KIF13B: variants seen among roughly 807,000 people sequenced by gnomAD.
The protein encoded by KIF13B is kinesin family member 13B.
KIF13B carries 127 observed loss-of-function variants against 222.0 expected under a neutral mutation model. The ratio of observed to expected loss-of-function variants is 0.57; its 90% CI spans 0.50 to 0.66. The LOEUF is 0.66. KIF13B is among the 30% of genes least tolerant of loss of function. The pLI is 0.00. For missense variants in KIF13B, 2,173 were observed against 2,379.0 expected (o/e 0.91, Z 1.80); for synonymous variants, 976 against 919.0 (o/e 1.06, Z -1.12).
chr8:29,102,071 A>G (rs960427837), intron 35 of KIF13B, among the ~76,000 whole-genome samples: 4 of 151,950 alleles, frequency 2.6e-5, no homozygotes, highest in African/African-American at 7.3e-5. Flanking sequence ...TCCCTTTACT[A>G]AAATGTTGGG....
intron 36 of KIF13B, among the ~76,000 whole-genome samples, chr8:29,095,347 G>GA (rs1423312567): frequency 5.3e-5 from 8 of 152,094 alleles, no homozygotes; most frequent in Admixed American, 2.6e-4. Context: ...AGTGCTAAAA[G>GA]AAAAAACCTC....
chr8:29,143,403 C>T (rs959939597), intron 18 of KIF13B, among the ~76,000 whole-genome samples: 1 of 152,152 alleles, frequency 6.6e-6, no homozygotes. Context: ...ACTGAAAAGT[C>T]CCCGATTCAC....
chr8:29,107,487 C>T (rs1168744576), intron 35 of KIF13B, among the ~76,000 whole-genome samples: 2 of 151,824 alleles, frequency 1.3e-5, no homozygotes, highest in African/African-American at 4.8e-5. Flanking sequence ...GAGATCGCGT[C>T]ATTGCACTCC....
At chr8:29,105,356 C>T (rs900129639) in intron 35 of KIF13B, among the ~76,000 whole-genome samples, 2 of 152,174 alleles carry the variant, frequency 1.3e-5, no homozygotes, top group Admixed American at 6.5e-5. Flanking sequence ...TCACACAGAT[C>T]CTTCTGCTCA....
Position 29,244,695 on chromosome 8 carries a change from T to G in KIF13B, c.149+651A>C, listed in dbSNP as rs188327763. ...AGCTTATTTACAGTCCTCCATTTAC[T>G]AAGAAAACCCAAAATAATCTTTTCC... is the stretch of plus-strand genomic sequence containing the variant. On this transcript the variant is annotated intron_variant, in intron 2 of 39. Transcript: ENST00000524189. Among the ~76,000 whole-genome samples, 486 of 152,328 alleles carry G rather than the reference T, an allele frequency of 3.2e-3. 1 individual carries two copies. The highest frequency in any genetic ancestry group is 5.3e-3 in the Non-Finnish European group (363 of 68,028).
intron 3 of KIF13B, among the ~76,000 whole-genome samples, chr8:29,195,958 T>C (rs1317769732): frequency 6.6e-6 from 1 of 152,262 alleles, no homozygotes; most frequent in African/African-American, 2.4e-5. Context: ...GTGTTGTAGC[T>C]GCTAGGAGAC....
rs972406938 is a variant in KIF13B, at chr8:29,070,864, A to C, written c.5219-98T>G. 1.4e-5 allele frequency: 18 copies of C among 1,288,156 alleles called. No homozygotes were observed. In the African/African-American group the frequency reaches 2.1e-4, roughly 15 times the overall value. The allele number at this position is 1,288,156 out of a possible 1,614,324, so 79.8% of individuals were successfully genotyped here. ...GCAGAGGCCATGTGCCCACACTGCC[A>C]CCCCCCCGCACAGGCCCTACACAGC... On this transcript the variant is annotated intron_variant, in intron 39 of 39. Coordinates refer to ENST00000524189, the MANE Select transcript of KIF13B (RefSeq NM_015254.4). The surrounding 1 kb of genome is among the most constrained non-coding windows in gnomAD (Gnocchi z 4.1).
intron 14 of KIF13B, among the ~76,000 whole-genome samples, chr8:29,153,666 C>T (rs566613481): frequency 7.0e-6 from 1 of 142,018 alleles, no homozygotes; most frequent in South Asian, 2.4e-4. Flanking sequence ...CAAGGAAGGC[C>T]TCTTAACTCC....
chr8:29,219,220 G>C (rs17059805), intron 2 of KIF13B: 28,778 of 152,226 alleles, frequency 0.19, 3,050 homozygotes, highest in African/African-American at 0.27. Flanking sequence ...CCCAGCCAAT[G>C]CACTGGCGAT....
At position 29,071,856 on chromosome 8, in the gene KIF13B, C is replaced by T. The variant is rs1345413811; in HGVS notation, c.4982G>A (p.Arg1661His). The change falls in exon 39 of 40, where the codon CGC becomes CAC. Residue 1661 changes from arginine to histidine, a missense_variant. By Grantham distance (29) the Arg-to-His change is conservative (BLOSUM62 0). Around this residue, in one of 2 missense-constraint regions of KIF13B, gnomAD observed 693 missense variants for 656.2 expected, o/e 1.06. Transcript: ENST00000524189. The surrounding 1 kb of genome is among the most constrained non-coding windows in gnomAD (Gnocchi z 4.9). ...VRASELRSFS[R>H]MLAGDPGCSP... ...GCAGCCGGGGTCCCCAGCCAGCATG[C>T]GCGAGAAGGAGCGCAACTCCGAGGC... The T allele has an allele frequency of 6.5e-7, 1 of 1,537,676 alleles. No individual in the cohort carries two copies.
chr8:29,068,914 C>G lies in KIF13B; in HGVS notation c.*1590G>C, dbSNP rs1807123255. The G allele has an allele frequency of 1.3e-5, 2 of 152,224 alleles. No individual in the cohort carries two copies. 9.4% of individuals were successfully genotyped at this position (152,224 alleles called of 1,614,324 possible). On this transcript the variant is annotated 3_prime_UTR_variant, in exon 40 of 40. Coordinates refer to ENST00000524189, the MANE Select transcript of KIF13B (RefSeq NM_015254.4). The surrounding 1 kb of genome is among the most constrained non-coding windows in gnomAD (Gnocchi z 4.4). ...GGGAGAGCCCTGGAGGAGTGCCTCC[C>G]CCCAGGGGCCGGGCCCTCTGCCAGC...
rs955165413 is a variant in KIF13B, at chr8:29,123,357, G to A, written c.3479+9C>T. 2 of 1,613,534 alleles carry A rather than the reference G, an allele frequency of 1.2e-6. No homozygotes were observed. Among genetic ancestry groups the A allele is most frequent in the Non-Finnish European group, 8.5e-7 (1 of 1,179,868 alleles). ...TCAGACCTCACAAGACGCACCACAG[G>A]GTTCATACCATTCTGCTGGGGCCCC... On this transcript the variant is annotated intron_variant, in intron 28 of 39. Coordinates refer to ENST00000524189, the MANE Select transcript of KIF13B (RefSeq NM_015254.4).
chr8:29,098,937 G>A (rs935561480), intron 36 of KIF13B, among the ~76,000 whole-genome samples, 196 bp downstream of exon 36: 27 of 152,086 alleles, frequency 1.8e-4, no homozygotes, highest in Admixed American at 1.4e-3. Flanking sequence ...ATGATCAGGC[G>A]GTATATATCA....
intron 2 of KIF13B, among the ~76,000 whole-genome samples, chr8:29,206,647 C>T (rs1813955698): frequency 6.6e-6 from 1 of 152,196 alleles, no homozygotes; most frequent in African/African-American, 2.4e-5. Context: ...GTCATTCATT[C>T]AGCAAATATT....
chr8:29,226,663 G>C (rs761845400), intron 2 of KIF13B, among the ~76,000 whole-genome samples: 7 of 152,160 alleles, frequency 4.6e-5, no homozygotes, highest in Admixed American at 1.3e-4. Flanking sequence ...AAGATCTTAA[G>C]AACAGTCAAG....
intron 1 of KIF13B, among the ~76,000 whole-genome samples, chr8:29,250,788 T>C (rs1435171171): frequency 1.3e-5 from 2 of 152,166 alleles, no homozygotes; most frequent in Admixed American, 6.5e-5. Context: ...GGGTCAGATA[T>C]ATGAAAAGCA....
intron 2 of KIF13B, among the ~76,000 whole-genome samples, chr8:29,222,824 G>A: frequency 6.6e-6 from 1 of 151,934 alleles, no homozygotes; most frequent in East Asian, 1.9e-4. Context: ...CACAGAAGGG[G>A]TTGAGAAGAC....
At chr8:29,168,894 G>A (rs1812120762) in intron 10 of KIF13B, among the ~76,000 whole-genome samples, 1 of 152,142 alleles carries the variant, frequency 6.6e-6, no homozygotes, top group South Asian at 2.1e-4. Context: ...ACAATCAATA[G>A]ATAACTACTC....
chr8:29,248,161 C>A lies in KIF13B; in HGVS notation c.56-2722G>T, dbSNP rs192810660. Reference sequence around the variant, plus strand: ...AGCAGCTCCTCAAAAAGTTAAACAGCGTTACCATCTGACCCAGCAATTCCA... The same window carrying A: ...AGCAGCTCCTCAAAAAGTTAAACAGAGTTACCATCTGACCCAGCAATTCCA... On this transcript the variant is annotated intron_variant, in intron 1 of 39. Transcript: ENST00000524189. Among the ~76,000 whole-genome samples the A allele has an allele frequency of 1.2e-3, 189 of 152,160 alleles. 3 individuals carry two copies. The highest frequency in any genetic ancestry group is 4.3e-3 in the African/African-American group (180 of 41,512).
Sources: allele counts gnomAD v4.1 joint callset (sites outside exome capture counted in the v4.1 genomes callset), GRCh38; gene constraint gnomAD v4.1.1; regional missense constraint gnomAD v4.1.1; non-coding constraint Gnocchi (gnomAD v3.1); transcripts MANE v1.5; gene names NCBI Gene and HGNC (gene_info 2026-07-23, HGNC 2026-07-21).